The following EXOC4 variants were observed in gnomAD, a reference collection of about 807,000 sequenced individuals.
The protein encoded by EXOC4 is SEC8-like 1.
EXOC4 carries 71 observed loss-of-function variants against 107.2 expected under a neutral mutation model. The ratio of observed to expected loss-of-function variants is 0.66; its 90% CI spans 0.55 to 0.81. EXOC4 has a LOEUF of 0.81. Ranked by LOEUF, EXOC4 falls within the 30% of genes least tolerant of loss-of-function variation. EXOC4 has a pLI of 0.00. For missense variants in EXOC4, 1,108 were observed against 1,189.6 expected (o/e 0.93, Z 1.01); for synonymous variants, 456 against 441.2 (o/e 1.03, Z -0.42).
intron 9 of EXOC4, among the ~76,000 whole-genome samples, chr7:133,547,748 A>G (rs1295393009): frequency 6.6e-6 from 1 of 152,082 alleles, no homozygotes; most frequent in African/African-American, 2.4e-5. Flanking sequence ...GATTGTAGCA[A>G]TTTCATCTTT....
intron 7 of EXOC4, among the ~76,000 whole-genome samples, chr7:133,438,469 C>G (rs1266051022): frequency 6.6e-6 from 1 of 152,124 alleles, no homozygotes; most frequent in Non-Finnish European, 1.5e-5. Flanking sequence ...TTCTTCCTTT[C>G]TGTTGCCTCC....
chr7:133,749,765 T>C (rs1287300091), intron 10 of EXOC4, among the ~76,000 whole-genome samples: 1 of 152,090 alleles, frequency 6.6e-6, no homozygotes, highest in East Asian at 1.9e-4. Flanking sequence ...TAATATTGTG[T>C]CTAAAATTTC....
chr7:133,357,635 A>G (rs1451320603), intron 6 of EXOC4, among the ~76,000 whole-genome samples: 1 of 152,212 alleles, frequency 6.6e-6, no homozygotes, highest in African/African-American at 2.4e-5. Flanking sequence ...GTTTATACCT[A>G]GGGCTCAAAG....
At chr7:133,539,350 C>T (rs868275686) in intron 9 of EXOC4, among the ~76,000 whole-genome samples, 2 of 151,872 alleles carry the variant, frequency 1.3e-5, no homozygotes, top group South Asian at 2.1e-4. Flanking sequence ...CAAAAATGGC[C>T]GTCTCTCCTG....
At chr7:133,340,035 TC>T (rs992361941) in intron 5 of EXOC4, among the ~76,000 whole-genome samples, 1 of 152,222 alleles carries the variant, frequency 6.6e-6, no homozygotes, top group Non-Finnish European at 1.5e-5. Context: ...GGCTAGGACT[TC>T]CAGGAGTATG....
chr7:133,444,588 C>T (rs1584922679), intron 7 of EXOC4, among the ~76,000 whole-genome samples: 1 of 152,254 alleles, frequency 6.6e-6, no homozygotes, highest in Middle Eastern at 3.4e-3. Context: ...ATTAGAGAAA[C>T]AGCACTGTAG....
rs1051352042 is a variant in EXOC4, at chr7:134,005,031, C to T, written c.2468C>T (p.Ala823Val). The change falls in exon 16 of 18, where the codon GCC (alanine) becomes GTC (valine). Residue 823 changes from alanine (A) to valine (V), a missense_variant. Transcript: ENST00000253861. Reference sequence around the variant, plus strand: ...GTCAAGCTCAACAAAGATATCAGCGCCATTGAAGAGGCCATGAGCGCCAGC... The same window carrying T: ...GTCAAGCTCAACAAAGATATCAGCGTCATTGAAGAGGCCATGAGCGCCAGC... ...LVVKLNKDIS[A>V]IEEAMSASLQ... The T allele has an allele frequency of 6.2e-7, 1 of 1,613,612 alleles. No individual in the cohort carries two copies. The highest frequency in any genetic ancestry group is 8.5e-7 in the Non-Finnish European group (1 of 1,179,660).
intron 10 of EXOC4, among the ~76,000 whole-genome samples, chr7:133,707,637 A>G (rs1794797167): frequency 1.3e-5 from 2 of 151,546 alleles, no homozygotes; most frequent in Admixed American, 6.6e-5. Context: ...TTTTTTTGAG[A>G]TGGAGCCTCA....
chr7:133,984,850 A>G (rs946381562), intron 14 of EXOC4, among the ~76,000 whole-genome samples: 1 of 152,218 alleles, frequency 6.6e-6, no homozygotes, highest in African/African-American at 2.4e-5. Context: ...GAGGAAAACG[A>G]GACTTAGAGT....
At chr7:133,909,878 C>A in intron 12 of EXOC4, among the ~76,000 whole-genome samples, 1 of 147,348 alleles carries the variant, frequency 6.8e-6, no homozygotes. Context: ...TTTAAATTTG[C>A]TTTATTATAA....
At chr7:134,093,055 C>T in the EXOC4 span, among the ~76,000 whole-genome samples, 1 of 151,934 alleles carries the variant, frequency 6.6e-6, no homozygotes, top group Non-Finnish European at 1.5e-5. Flanking sequence ...AAGCTAACAA[C>T]TTCACCATTG....
intron 9 of EXOC4, among the ~76,000 whole-genome samples, chr7:133,587,443 G>A (rs1487384014): frequency 6.6e-6 from 1 of 152,124 alleles, no homozygotes; most frequent in Non-Finnish European, 1.5e-5. Context: ...GGGAGAAATT[G>A]CTTGATCTCA....
At chr7:133,447,973 T>C (rs1269174718) in intron 7 of EXOC4, among the ~76,000 whole-genome samples, 1 of 152,226 alleles carries the variant, frequency 6.6e-6, no homozygotes, top group African/African-American at 2.4e-5. Flanking sequence ...GTACTTTTTA[T>C]TTAGTAGTTG....
chr7:133,740,948 T>C (rs1270663100), intron 10 of EXOC4, among the ~76,000 whole-genome samples: 1 of 152,172 alleles, frequency 6.6e-6, no homozygotes, highest in Admixed American at 6.6e-5. Flanking sequence ...TCTGTTACAG[T>C]GAGACCCTAT....
chr7:133,569,136 A>C (rs1442212553), intron 9 of EXOC4, among the ~76,000 whole-genome samples: 1 of 145,418 alleles, frequency 6.9e-6, no homozygotes, highest in Non-Finnish European at 1.5e-5. Context: ...GAGAAAAAAA[A>C]GAATAATTAA....
intron 17 of EXOC4, among the ~76,000 whole-genome samples, chr7:134,017,023 A>T (rs1381174859): frequency 6.6e-6 from 1 of 152,212 alleles, no homozygotes; most frequent in Non-Finnish European, 1.5e-5. Flanking sequence ...TCAAATAAAA[A>T]TTTATCTGAC....
At chr7:133,387,994 A>G (rs769108289) in intron 7 of EXOC4, among the ~76,000 whole-genome samples, 22 of 145,944 alleles carry the variant, frequency 1.5e-4, no homozygotes, top group Admixed American at 1.1e-3. Flanking sequence ...GTTTTCTTAG[A>G]ACATGTTACC....
intron 7 of EXOC4, among the ~76,000 whole-genome samples, chr7:133,454,892 AGTT>A (rs753017358): frequency 4.9e-4 from 75 of 152,240 alleles, no homozygotes; most frequent in Non-Finnish European, 8.1e-4. Flanking sequence ...TGAGCTCTGG[AGTT>A]CAAGACAAGC....
intron 7 of EXOC4, among the ~76,000 whole-genome samples, chr7:133,452,014 G>A (rs1798359640): frequency 6.6e-6 from 1 of 152,206 alleles, no homozygotes; most frequent in African/African-American, 2.4e-5. Context: ...CGGTTCAGTA[G>A]TGTTAACTAT....
Sources: gnomAD v4.1 joint callset for allele counts (sites outside exome capture counted in the v4.1 genomes callset) on GRCh38, gnomAD v4.1.1 for gene constraint, MANE v1.5 for transcripts, NCBI Gene and HGNC (gene_info 2026-07-23, HGNC 2026-07-21) for gene names.